ASCC3: variants seen among roughly 807,000 people sequenced by gnomAD.
ASCC3 encodes activating signal cointegrator 1 complex subunit 3, also known as ASC-1 complex subunit P200.
In ASCC3, 158 loss-of-function variants were observed where a neutral mutation model predicts 256.3. That is an observed-to-expected ratio of 0.62 (90% CI 0.54 to 0.70). The LOEUF (loss-of-function observed/expected upper bound fraction) is 0.70. ASCC3 is among the 30% of genes least tolerant of loss of function. The pLI, the probability that ASCC3 is intolerant of heterozygous loss-of-function variation, is 0.00. For missense variants in ASCC3, 2,259 were observed against 2,626.0 expected, an observed-to-expected ratio of 0.86 and a Z score of 3.05; for synonymous variants, 948 against 883.4, an observed-to-expected ratio of 1.07 and a Z score of -1.30.
chr6:100,875,833 A>G (rs1056435980), intron 1 of ASCC3, among the ~76,000 whole-genome samples: 3 of 151,888 alleles, frequency 2.0e-5, no homozygotes, highest in African/African-American at 4.8e-5. Flanking sequence ...GAGTTGAAGG[A>G]TAAACGCAAA....
chr6:100,537,146 T>C (rs1775200580), intron 37 of ASCC3, among the ~76,000 whole-genome samples: 1 of 152,138 alleles, frequency 6.6e-6, no homozygotes, highest in Non-Finnish European at 1.5e-5. Flanking sequence ...AAAGTAACTC[T>C]ATAGTGAAGA....
chr6:100,736,968 T>A (rs1241104951), intron 10 of ASCC3, among the ~76,000 whole-genome samples: 1 of 152,060 alleles, frequency 6.6e-6, no homozygotes, highest in African/African-American at 2.4e-5. Context: ...GGCAATACAG[T>A]GAAACCCCAA....
At chr6:100,675,387 A>G (rs1314925375) in intron 14 of ASCC3, among the ~76,000 whole-genome samples, 1 of 152,156 alleles carries the variant, frequency 6.6e-6, no homozygotes, top group Admixed American at 6.5e-5. Flanking sequence ...TCTTTAGTTA[A>G]CAGATACCAT....
intron 8 of ASCC3, among the ~76,000 whole-genome samples, chr6:100,788,740 C>G (rs957068634): frequency 6.6e-6 from 1 of 151,754 alleles, no homozygotes; most frequent in African/African-American, 2.4e-5. Flanking sequence ...ATACAAGTAA[C>G]TTATATGACG....
chr6:100,778,843 A>T (rs140669043), intron 8 of ASCC3, among the ~76,000 whole-genome samples: 1 of 152,252 alleles, frequency 6.6e-6, no homozygotes, highest in African/African-American at 2.4e-5. Context: ...AATATCATAG[A>T]TCTCACATAT....
In ASCC3 at chr6:100,616,398, A is replaced by T. The variant is rs189010358; in HGVS notation, c.4785+8794T>A. 3.7e-3 allele frequency among the ~76,000 whole-genome samples: 561 copies of T among 152,350 alleles called. 4 individuals carry two copies. The highest frequency in any genetic ancestry group is 0.013 in the African/African-American group (545 of 41,598). On this transcript the variant is annotated intron_variant, in intron 30 of 41. Transcript: ENST00000369162. ...TATTCTTCCTATGCACCTGCATTACAGTTTTCATAAATTCACTTTGAAGCA... is the reference window on the plus strand; with the variant it reads ...TATTCTTCCTATGCACCTGCATTACTGTTTTCATAAATTCACTTTGAAGCA...
chr6:100,717,180 G>A (rs570467095), intron 12 of ASCC3, among the ~76,000 whole-genome samples: 1 of 151,966 alleles, frequency 6.6e-6, no homozygotes, highest in South Asian at 2.1e-4. Context: ...GACATTAACT[G>A]TTGTATTATG....
intron 23 of ASCC3, 79 bp from the exon 24 acceptor site, chr6:100,642,828 G>A (rs1042317931): frequency 1.7e-5 from 21 of 1,270,906 alleles, no homozygotes; most frequent in African/African-American, 3.0e-5. Context: ...TTAAGATAAC[G>A]GTATCTCTAC....
chr6:100,527,328 T>C (rs999464035), intron 37 of ASCC3, among the ~76,000 whole-genome samples: 1 of 152,178 alleles, frequency 6.6e-6, no homozygotes, highest in African/African-American at 2.4e-5. Flanking sequence ...CTTGGTCTAA[T>C]TATAAGCATT....
chr6:100,656,669 C>G (rs1775929905), intron 16 of ASCC3, among the ~76,000 whole-genome samples: 1 of 151,058 alleles, frequency 6.6e-6, no homozygotes, highest in Admixed American at 6.6e-5. Context: ...AGCTGTATAA[C>G]AAAGAGAAAA....
intron 36 of ASCC3, among the ~76,000 whole-genome samples, chr6:100,588,809 A>G (rs538543474): frequency 6.6e-6 from 1 of 152,254 alleles, no homozygotes; most frequent in Non-Finnish European, 1.5e-5. Context: ...TAGGAGAGGA[A>G]GGAAAAAAGT....
chr6:100,880,801 A>G (rs1438816068), intron 1 of ASCC3, among the ~76,000 whole-genome samples: 1 of 152,252 alleles, frequency 6.6e-6, no homozygotes, highest in African/African-American at 2.4e-5. Context: ...GTTGTGGCTT[A>G]ACACTTGGAC....
chr6:100,800,656 A>G (rs1256312251), intron 5 of ASCC3, 152 bp from the exon 6 acceptor site: 8 of 665,190 alleles, frequency 1.2e-5, no homozygotes, highest in Admixed American at 5.8e-5. Flanking sequence ...TTTTAAGGTG[A>G]GTTTTTAAAA....
chr6:100,748,035 T>C (rs956536931), intron 10 of ASCC3, among the ~76,000 whole-genome samples: 10 of 152,002 alleles, frequency 6.6e-5, no homozygotes, highest in African/African-American at 2.2e-4. Context: ...AAATTTAAAA[T>C]AAGAGCCTTC....
At chr6:100,734,378 T>C (rs1780049359) in intron 10 of ASCC3, among the ~76,000 whole-genome samples, 1 of 152,138 alleles carries the variant, frequency 6.6e-6, no homozygotes, top group South Asian at 2.1e-4. Flanking sequence ...GCACAAAACC[T>C]GAAGTCCTTT....
chr6:100,716,003 C>T (rs974285278), intron 12 of ASCC3, among the ~76,000 whole-genome samples: 2 of 151,672 alleles, frequency 1.3e-5, no homozygotes, highest in Non-Finnish European at 3.0e-5. Context: ...CATAAGGTAA[C>T]ACACTATTTC....
At chr6:100,789,363 T>G (rs1769240192) in intron 8 of ASCC3, among the ~76,000 whole-genome samples, 1 of 151,952 alleles carries the variant, frequency 6.6e-6, no homozygotes, top group African/African-American at 2.4e-5. Flanking sequence ...GCTCAAAGGA[T>G]GTACTGAGGA....
At chr6:100,518,835 T>C (rs1774162906) in intron 37 of ASCC3, among the ~76,000 whole-genome samples, 1 of 152,166 alleles carries the variant, frequency 6.6e-6, no homozygotes, top group African/African-American at 2.4e-5. Flanking sequence ...TTCAATTAAA[T>C]TAGATTCTGG....
chr6:100,856,398 A>C, intron 3 of ASCC3: 1 of 984,076 alleles, frequency 1.0e-6, no homozygotes, highest in Non-Finnish European at 1.2e-6. Context: ...GCCAAACCTT[A>C]AGCTAAATAA....
Sources: gnomAD v4.1 joint callset for allele counts (sites outside exome capture counted in the v4.1 genomes callset) on GRCh38, gnomAD v4.1.1 for gene constraint, MANE v1.5 for transcripts, NCBI Gene and HGNC (gene_info 2026-07-23, HGNC 2026-07-21) for gene names.